NLN: variants seen among roughly 807,000 people sequenced by gnomAD.
NLN encodes neurolysin.
Under a neutral mutation model 79.9 loss-of-function variants are expected in NLN, and 64 were observed. The ratio of observed to expected loss-of-function variants is 0.80; its 90% CI spans 0.65 to 0.99. NLN has a LOEUF of 0.99. Among genes scored for constraint, NLN ranks in the 50% least tolerant of loss-of-function variants. The probability of loss-of-function intolerance (pLI) is 0.00; values close to 1 mark genes in which losing one functional copy is unlikely to be tolerated. For missense variants in NLN, 835 were observed against 858.7 expected (o/e 0.97, Z 0.34); for synonymous variants, 267 against 296.6 (o/e 0.90, Z 1.02).
At chr5:65,756,938 G>A (rs988955008) in intron 1 of NLN, among the ~76,000 whole-genome samples, 3 of 152,128 alleles carry the variant, frequency 2.0e-5, no homozygotes, top group African/African-American at 7.2e-5. Flanking sequence ...TTTGCTAGTT[G>A]CTCTTTCTAG....
chr5:65,827,238 A>AT lies in NLN; in HGVS notation c.*4325dup, dbSNP rs1760937106. On this transcript the variant is annotated 3_prime_UTR_variant, in exon 13 of 13. Coordinates refer to ENST00000380985, the MANE Select transcript of NLN (RefSeq NM_020726.5). ...GATTCCTGAGTTTTGATTTGGTTGA[A>AT]TTCACCTTGTAGTTCCCTTTCCTGA... 6.6e-6 allele frequency: 1 copy of AT among 152,160 alleles called. No homozygotes were observed. Among genetic ancestry groups the AT allele is most frequent in the African/African-American group, 2.4e-5 (1 of 41,432 alleles). 9.4% of individuals were successfully genotyped at this position (152,160 alleles called of 1,614,324 possible). A position where few individuals can be genotyped will look rare whatever the true frequency, so the allele number is the denominator to read the frequency against.
intron 2 of NLN, among the ~76,000 whole-genome samples, chr5:65,761,112 G>A (rs1759327957): frequency 6.6e-6 from 1 of 152,080 alleles, no homozygotes; most frequent in Non-Finnish European, 1.5e-5. Context: ...GGCAGTGAGA[G>A]CATAAATCTG....
rs563056729 is a variant in NLN, at chr5:65,759,484, T to C, written c.301+658T>C. Among the ~76,000 whole-genome samples the C allele has an allele frequency of 4.0e-4, 61 of 152,006 alleles. 2 individuals are homozygous for C. In the East Asian group the frequency reaches 0.011, roughly 28 times the overall value. On this transcript the variant is annotated intron_variant, in intron 2 of 12. Transcript: ENST00000380985. ...GAGAGATTGATTGATAGATTGATTA[T>C]AGGGAATTGGCTTACATGACTAAGG...
chr5:65,760,107 G>A (rs1041042008), intron 2 of NLN, among the ~76,000 whole-genome samples: 16 of 152,146 alleles, frequency 1.1e-4, no homozygotes, highest in Admixed American at 9.8e-4. Flanking sequence ...TCAGAATCCA[G>A]CATAGCCCTA....
rs1247468583 is a variant in NLN, at chr5:65,825,840, G to C, written c.*2925G>C. The C allele has an allele frequency of 6.6e-6, 1 of 152,192 alleles. No individual in the cohort carries two copies. The highest frequency in any genetic ancestry group is 1.5e-5 in the Non-Finnish European group (1 of 68,030). 9.4% of individuals were successfully genotyped at this position (152,192 alleles called of 1,614,324 possible). On this transcript the variant is annotated 3_prime_UTR_variant, in exon 13 of 13. Coordinates refer to ENST00000380985, the MANE Select transcript of NLN (RefSeq NM_020726.5). Reference sequence around the variant, plus strand: ...CATTTTACCTTTAGCTTTTATGTATGAATTATAGGTCTGTGGAGATTCTGC... The same window carrying C: ...CATTTTACCTTTAGCTTTTATGTATCAATTATAGGTCTGTGGAGATTCTGC...
intron 1 of NLN, among the ~76,000 whole-genome samples, chr5:65,748,632 A>G (rs1289359100): frequency 6.6e-6 from 1 of 152,090 alleles, no homozygotes; most frequent in Non-Finnish European, 1.5e-5. Context: ...GTGCATGCCT[A>G]TAGTCCCAGC....
chr5:65,777,658 A>G lies in NLN; in HGVS notation c.558+124A>G, dbSNP rs574092565. 4.6e-6 allele frequency: 3 copies of G among 646,552 alleles called. No individual in the cohort carries two copies. The East Asian group carries it at 8.3e-5, about 18-fold the overall frequency. 40.1% of individuals were successfully genotyped at this position (646,552 alleles called of 1,614,324 possible). A position where few individuals can be genotyped will look rare whatever the true frequency, so the allele number is the denominator to read the frequency against. ...CAGTCTGCAACTTTTGGGTGCCAACATGATGCTCAGAGGAAATGCTCATTG... is the reference window on the plus strand; with the variant it reads ...CAGTCTGCAACTTTTGGGTGCCAACGTGATGCTCAGAGGAAATGCTCATTG... On this transcript the variant is annotated intron_variant, in intron 4 of 12. Transcript: ENST00000380985.
At chr5:65,800,663 C>CTCATTTATTTAT (rs1554033903) in intron 9 of NLN, among the ~76,000 whole-genome samples, 1 of 142,880 alleles carries the variant, frequency 7.0e-6, no homozygotes, top group African/African-American at 2.7e-5. Context: ...AGAAAACTCT[C>CTCATTTATTTAT]TTATTTATTT....
intron 3 of NLN, among the ~76,000 whole-genome samples, chr5:65,769,647 C>T (rs1293879689): frequency 6.6e-6 from 1 of 152,176 alleles, no homozygotes; most frequent in Non-Finnish European, 1.5e-5. Context: ...CCTCTCCCTC[C>T]CAGTGTATGA....
chr5:65,788,502 G>T lies in NLN; in HGVS notation c.1325+18G>T. ...TATCCAAGGTACTGAGGATCACGTTGTTGGAAGGGACCTTAGGGATTCAGC... is the reference window on the plus strand; with the variant it reads ...TATCCAAGGTACTGAGGATCACGTTTTTGGAAGGGACCTTAGGGATTCAGC... On this transcript the variant is annotated intron_variant, in intron 8 of 12. Transcript: ENST00000380985. 6.2e-7 allele frequency: 1 copy of T among 1,604,438 alleles called. No individual in the cohort carries two copies. Among genetic ancestry groups the T allele is most frequent in the Non-Finnish European group, 8.5e-7 (1 of 1,173,480 alleles).
At chr5:65,728,617 G>A (rs1265170633) in intron 1 of NLN, among the ~76,000 whole-genome samples, 1 of 152,082 alleles carries the variant, frequency 6.6e-6, no homozygotes, top group Non-Finnish European at 1.5e-5. Context: ...CCAACATTGA[G>A]CATTTTAATT....
At chr5:65,726,039 A>G (rs1339322853) in intron 1 of NLN, among the ~76,000 whole-genome samples, 1 of 151,642 alleles carries the variant, frequency 6.6e-6, no homozygotes, top group Non-Finnish European at 1.5e-5. Flanking sequence ...GTGAACCCGG[A>G]AGGTGGAGTT....
rs201319148 is a variant in NLN at position 65,724,804 on chromosome 5, C to T, written c.41+2390C>T. ...GAGTGGCATTGTTTCTTTTTTTTTT[C>T]TTTTTTTTTTTTTTTGAGACAGAGT... is the stretch of plus-strand genomic sequence containing the variant. On this transcript the variant is annotated intron_variant, in intron 1 of 12. Coordinates refer to ENST00000380985, the MANE Select transcript of NLN (RefSeq NM_020726.5). Among the ~76,000 whole-genome samples the T allele has an allele frequency of 7.3e-3, 926 of 126,202 alleles. 7 individuals carry two copies. Among genetic ancestry groups the T allele is most frequent in the African/African-American group, 0.025 (818 of 33,372 alleles). The allele number at this position is 126,202 out of a possible 152,430, so 82.8% of individuals were successfully genotyped here.
chr5:65,768,443 C>G (rs1283915541), intron 3 of NLN, among the ~76,000 whole-genome samples: 2 of 152,134 alleles, frequency 1.3e-5, no homozygotes, highest in African/African-American at 4.8e-5. Flanking sequence ...GGAAACTGAC[C>G]ACATGATCCA....
At chr5:65,772,407 C>T (rs1304518694) in intron 3 of NLN, among the ~76,000 whole-genome samples, 1 of 152,186 alleles carries the variant, frequency 6.6e-6, no homozygotes, top group Non-Finnish European at 1.5e-5. Flanking sequence ...TGCCTCACTT[C>T]AGCAACCTTA....
At chr5:65,772,783 C>T (rs1453065743) in intron 3 of NLN, among the ~76,000 whole-genome samples, 2 of 149,658 alleles carry the variant, frequency 1.3e-5, no homozygotes, top group Non-Finnish European at 3.0e-5. Flanking sequence ...CAGGCTGGAC[C>T]GTAGTGACGT....
At chr5:65,781,752 G>A (rs544258023) in intron 6 of NLN, among the ~76,000 whole-genome samples, 1 of 152,314 alleles carries the variant, frequency 6.6e-6, no homozygotes, top group South Asian at 2.1e-4. Flanking sequence ...GGGATTCTCA[G>A]TCATCTAGCC....
chr5:65,808,260 G>A (rs531909249), intron 9 of NLN, among the ~76,000 whole-genome samples: 1 of 152,304 alleles, frequency 6.6e-6, no homozygotes, highest in South Asian at 2.1e-4. Context: ...TGACATCTGT[G>A]CCTCTGCCCT....
At chr5:65,781,762 C>G (rs1044894898) in intron 6 of NLN, among the ~76,000 whole-genome samples, 3 of 152,162 alleles carry the variant, frequency 2.0e-5, no homozygotes, top group Admixed American at 2.0e-4. Context: ...GTCATCTAGC[C>G]AGTTCTACCG....
Sources: gnomAD v4.1 joint callset for allele counts (sites outside exome capture counted in the v4.1 genomes callset) on GRCh38, gnomAD v4.1.1 for gene constraint, MANE v1.5 for transcripts, NCBI Gene and HGNC (gene_info 2026-07-23, HGNC 2026-07-21) for gene names.